Variants in KCNB2 observed in about 807,000 individuals in gnomAD.
KCNB2 encodes delayed rectifier potassium channel protein.
KCNB2 carries 15 observed loss-of-function variants against 61.5 expected under a neutral mutation model. That is an observed-to-expected ratio of 0.24 (90% CI 0.16 to 0.38). The LOEUF (loss-of-function observed/expected upper bound fraction) is 0.38, where lower values mean the gene tolerates loss of function less well. KCNB2 is among the 10% of genes least tolerant of loss of function. The probability of loss-of-function intolerance (pLI) is 1.00; values close to 1 mark genes in which losing one functional copy is unlikely to be tolerated. For synonymous variants in KCNB2, 457 were observed against 446.0 expected, an observed-to-expected ratio of 1.02 and a Z score of -0.31; for missense variants, 828 against 1,125.2, an observed-to-expected ratio of 0.74 and a Z score of 3.78.
At chr8:72,769,436 G>A (rs1252486336) in intron 2 of KCNB2, among the ~76,000 whole-genome samples, 2 of 152,088 alleles carry the variant, frequency 1.3e-5, no homozygotes, top group Non-Finnish European at 2.9e-5. Flanking sequence ...TTGCACTATA[G>A]CAAATGTTCT....
intron 2 of KCNB2, among the ~76,000 whole-genome samples, chr8:72,851,260 C>T (rs1033175387): frequency 8.3e-4 from 6 of 7,270 alleles, no homozygotes; most frequent in African/African-American, 1.6e-3. Context: ...CTTCTGTGTG[C>T]TGAGCCTGAG....
intron 2 of KCNB2, among the ~76,000 whole-genome samples, chr8:72,885,135 T>C (rs1805781064): frequency 6.6e-6 from 1 of 152,112 alleles, no homozygotes; most frequent in Non-Finnish European, 1.5e-5. Flanking sequence ...TCCTTTATAG[T>C]ATATTCATTA....
intron 2 of KCNB2, among the ~76,000 whole-genome samples, chr8:72,931,760 C>G (rs909699453): frequency 6.6e-6 from 1 of 152,092 alleles, no homozygotes; most frequent in African/African-American, 2.4e-5. Context: ...GCCTGTAATC[C>G]CACCACTTTG....
intron 2 of KCNB2, among the ~76,000 whole-genome samples, chr8:72,624,778 G>T (rs1201456051): frequency 6.6e-6 from 1 of 152,158 alleles, no homozygotes; most frequent in Non-Finnish European, 1.5e-5. Context: ...TAGGGCAAAG[G>T]CAGTGGGATG....
rs1043610928 is a variant in KCNB2, at chr8:72,873,587, C to A, written c.580-62348C>A. Among the ~76,000 whole-genome samples the A allele has an allele frequency of 7.9e-5, 12 of 152,286 alleles. No individual in the cohort carries two copies. In the East Asian group the frequency reaches 1.9e-3, roughly 25 times the overall value. ...ATTTGCTATCCATAAGGGCCTCTGG[C>A]GGGGCCAAGCTGACCAACAGGTGAA... On this transcript the variant is annotated intron_variant, in intron 2 of 2. Coordinates refer to ENST00000523207, the MANE Select transcript of KCNB2 (RefSeq NM_004770.3).
intron 2 of KCNB2, among the ~76,000 whole-genome samples, chr8:72,845,644 G>A (rs932943547): frequency 6.6e-6 from 1 of 152,234 alleles, no homozygotes; most frequent in East Asian, 1.9e-4. Flanking sequence ...GCCCAGAGAG[G>A]AGGAATCTAG....
intron 2 of KCNB2, among the ~76,000 whole-genome samples, chr8:72,598,152 G>A (rs532926428): frequency 5.6e-4 from 77 of 137,092 alleles, no homozygotes; most frequent in African/African-American, 2.0e-3. Flanking sequence ...AACAAAAAAA[G>A]AGAATTTTAG....
chr8:72,855,594 A>G (rs968365711), intron 2 of KCNB2, among the ~76,000 whole-genome samples: 1 of 152,188 alleles, frequency 6.6e-6, no homozygotes, highest in Non-Finnish European at 1.5e-5. Flanking sequence ...GTGTCGATCA[A>G]TAGCCCCCAC....
chr8:72,787,855 G>T (rs1653056594), intron 2 of KCNB2, among the ~76,000 whole-genome samples: 1 of 151,924 alleles, frequency 6.6e-6, no homozygotes, highest in African/African-American at 2.4e-5. Context: ...ACCAATTTTT[G>T]CTTTAATTAC....
chr8:72,597,286 G>A (rs896655668), intron 2 of KCNB2, among the ~76,000 whole-genome samples: 6 of 151,928 alleles, frequency 3.9e-5, no homozygotes, highest in East Asian at 3.9e-4. Context: ...TGCCCACCTC[G>A]GCCTTCCAAA....
intron 2 of KCNB2, among the ~76,000 whole-genome samples, chr8:72,783,224 C>G (rs1808792498): frequency 6.6e-6 from 1 of 152,164 alleles, no homozygotes; most frequent in South Asian, 2.1e-4. Flanking sequence ...TCAACCCCTT[C>G]CCTGTAATTT....
rs1156632992 is a variant in KCNB2, at chr8:72,606,333, T to C, written c.579+38020T>C. Among the ~76,000 whole-genome samples the C allele has an allele frequency of 2.0e-5, 3 of 152,320 alleles. No homozygotes were observed. In the East Asian group the frequency reaches 5.8e-4, roughly 29 times the overall value. On this transcript the variant is annotated intron_variant, in intron 2 of 2. Transcript: ENST00000523207. ...GTACACTTTGATGAATATTTAATGATATATGTACATACTCATAATCCAAGT... is the reference window on the plus strand; with the variant it reads ...GTACACTTTGATGAATATTTAATGACATATGTACATACTCATAATCCAAGT...
At position 72,561,707 on chromosome 8, in the gene KCNB2, ATATATATATATATATATATATCTATATC is replaced by A. The variant is rs1585752199; in HGVS notation, c.-93-5923_-93-5896del. On this transcript the variant is annotated intron_variant, in intron 1 of 2. Transcript: ENST00000523207. The stretch of plus-strand genomic sequence containing the variant: ...ATCTTACTTTTATATATATATATAT[ATATATATATATATATATATATCTATATC>A]TATATATATATGTATATATATATAT... Among the ~76,000 whole-genome samples the A allele has an allele frequency of 1.9e-4, 6 of 31,774 alleles. 1 individual carries two copies. Among genetic ancestry groups the A allele is most frequent in the African/African-American group, 1.1e-3 (6 of 5,480 alleles). 20.8% of individuals were successfully genotyped at this position (31,774 alleles called of 152,430 possible). A position where few individuals can be genotyped will look rare whatever the true frequency, so the allele number is the denominator to read the frequency against.
At chr8:72,908,015 T>A (rs1456455590) in intron 2 of KCNB2, among the ~76,000 whole-genome samples, 1 of 152,172 alleles carries the variant, frequency 6.6e-6, no homozygotes, top group African/African-American at 2.4e-5. Flanking sequence ...TCCTGAAAAT[T>A]TCAACCTTTT....
At chr8:72,649,544 A>G (rs911727285) in intron 2 of KCNB2, among the ~76,000 whole-genome samples, 7 of 152,172 alleles carry the variant, frequency 4.6e-5, no homozygotes, top group African/African-American at 1.7e-4. Context: ...GTATCATGCA[A>G]TATACTCATG....
At chr8:72,609,988 T>C (rs62518086) in intron 2 of KCNB2, among the ~76,000 whole-genome samples, 232 of 152,358 alleles carry the variant, frequency 1.5e-3, no homozygotes, top group Non-Finnish European at 2.9e-3. Flanking sequence ...TTTCTTCTTA[T>C]GTAAAAGATC....
chr8:72,780,623 T>G (rs996460271), intron 2 of KCNB2, among the ~76,000 whole-genome samples: 1 of 152,222 alleles, frequency 6.6e-6, no homozygotes, highest in Non-Finnish European at 1.5e-5. Flanking sequence ...AGTCTATCAT[T>G]GATGGGCACT....
At chr8:72,580,677 T>C (rs1454900185) in intron 2 of KCNB2, among the ~76,000 whole-genome samples, 2 of 152,170 alleles carry the variant, frequency 1.3e-5, no homozygotes, top group Non-Finnish European at 2.9e-5. Flanking sequence ...CCACTAAATC[T>C]ACATTTTGTC....
At chr8:72,853,897 G>T (rs1365642655) in intron 2 of KCNB2, among the ~76,000 whole-genome samples, 2 of 152,122 alleles carry the variant, frequency 1.3e-5, no homozygotes, top group East Asian at 3.9e-4. Context: ...TTTAAGTAGT[G>T]TTTTTCCATA....
Sources: gnomAD v4.1 joint callset for allele counts (sites outside exome capture counted in the v4.1 genomes callset) on GRCh38, gnomAD v4.1.1 for gene constraint, MANE v1.5 for transcripts, NCBI Gene and HGNC (gene_info 2026-07-23, HGNC 2026-07-21) for gene names.